Variants in SEC23A observed in about 807,000 individuals in gnomAD.
SEC23A encodes protein transport protein Sec23A.
Under a neutral mutation model 103.7 loss-of-function variants are expected in SEC23A, and 56 were observed. The ratio of observed to expected loss-of-function variants is 0.54; its 90% CI spans 0.44 to 0.67. The LOEUF (loss-of-function observed/expected upper bound fraction) is 0.67, where lower values mean the gene tolerates loss of function less well. SEC23A is among the 30% of genes least tolerant of loss of function. The pLI is 0.00. For missense variants in SEC23A, 784 were observed against 936.4 expected, an observed-to-expected ratio of 0.84 and a Z score of 2.12; for synonymous variants, 281 against 293.0, an observed-to-expected ratio of 0.96 and a Z score of 0.42.
chr14:39,073,154 T>C (rs932314638), intron 9 of SEC23A, among the ~76,000 whole-genome samples: 1 of 152,206 alleles, frequency 6.6e-6, no homozygotes, highest in African/African-American at 2.4e-5. Flanking sequence ...TACTATTAAA[T>C]GCACTTTAGC....
intron 18 of SEC23A, chr14:39,039,421 A>G: frequency 3.7e-6 from 1 of 267,126 alleles, no homozygotes; most frequent in East Asian, 8.7e-5. Flanking sequence ...CAGAAGTTCA[A>G]AATCCCAAAT....
chr14:39,049,804 T>TTC (rs1469011459), intron 14 of SEC23A, among the ~76,000 whole-genome samples: 1 of 151,094 alleles, frequency 6.6e-6, no homozygotes, highest in Non-Finnish European at 1.5e-5. Context: ...CAATTTTTTT[T>TTC]TTTTTGAGAC....
At chr14:39,034,543 C>A (rs1381474269) in intron 19 of SEC23A, among the ~76,000 whole-genome samples, 1 of 152,194 alleles carries the variant, frequency 6.6e-6, no homozygotes, top group East Asian at 1.9e-4. Context: ...AACCTCATGG[C>A]TCTTACTTTT....
At chr14:39,042,753 C>G (rs1269090358) in intron 17 of SEC23A, 33 bp downstream of exon 17, 1 of 1,345,980 alleles carries the variant, frequency 7.4e-7, no homozygotes, top group Non-Finnish European at 1.1e-6. Context: ...AAAGACTTTA[C>G]ATGCATAGCT....
intron 13 of SEC23A, among the ~76,000 whole-genome samples, chr14:39,055,757 T>C (rs1050491524): frequency 3.9e-5 from 6 of 152,218 alleles, no homozygotes; most frequent in African/African-American, 1.2e-4. Context: ...AGGAATGTGC[T>C]CTGGAGACCC....
chr14:39,059,290 A>AC (rs1316256378), intron 13 of SEC23A, among the ~76,000 whole-genome samples: 1 of 59,932 alleles, frequency 1.7e-5, no homozygotes, highest in Non-Finnish European at 4.3e-5. Context: ...AAAAAAAAAA[A>AC]AAAAAAAAAA....
intron 19 of SEC23A, 97 bp from the exon 20 acceptor site, chr14:39,033,425 T>TAGAACAAC (rs11281624): frequency 1.5e-6 from 1 of 654,374 alleles, no homozygotes. Context: ...TCATTTGAAA[T>TAGAACAAC]GCCTATGGTC....
intron 7 of SEC23A, among the ~76,000 whole-genome samples, chr14:39,079,536 T>A (rs774166735): frequency 5.7e-4 from 87 of 152,186 alleles, no homozygotes; most frequent in Non-Finnish European, 1.1e-3. Flanking sequence ...AGTCATATGA[T>A]TAGCCTGGCA....
chr14:39,083,354 CCTGT>C (rs1480283892), intron 7 of SEC23A, among the ~76,000 whole-genome samples: 3 of 151,960 alleles, frequency 2.0e-5, no homozygotes, highest in Admixed American at 2.0e-4. Flanking sequence ...CTCTCACCTA[CCTGT>C]CTCTCACCTA....
intron 18 of SEC23A, 69 bp from the exon 19 acceptor site, chr14:39,039,165 T>C (rs1042133034): frequency 6.4e-6 from 8 of 1,243,532 alleles, no homozygotes; most frequent in Non-Finnish European, 9.4e-6. Flanking sequence ...TGAATAATTA[T>C]ATCATGCAAA....
intron 4 of SEC23A, among the ~76,000 whole-genome samples, chr14:39,092,208 G>C (rs1203112932): frequency 6.6e-6 from 1 of 152,124 alleles, no homozygotes; most frequent in Non-Finnish European, 1.5e-5. Context: ...TCATTAATTA[G>C]ACCTGGGGGA....
In SEC23A at chr14:39,055,440, C is replaced by T. The variant is rs557517625; in HGVS notation, c.1506-144G>A. Reference sequence around the variant, plus strand: ...TTTTTTTTTTTGAGACAGAGTCTCGCTCTGTCACCTAGGCTGCAGTGCAAT... The same window carrying T: ...TTTTTTTTTTTGAGACAGAGTCTCGTTCTGTCACCTAGGCTGCAGTGCAAT... On this transcript the variant is annotated intron_variant, in intron 13 of 19. Transcript: ENST00000307712. 1.1e-4 allele frequency: 88 copies of T among 780,680 alleles called. No individual in the cohort carries two copies. In the African/African-American group the frequency reaches 1.4e-3, roughly 13 times the overall value. The allele number at this position is 780,680 out of a possible 1,614,324, so 48.4% of individuals were successfully genotyped here.
At chr14:39,085,689 TACAC>T (rs59136053) in intron 7 of SEC23A, 69 bp downstream of exon 7, 15,178 of 1,191,282 alleles carry the variant, frequency 0.013, 35 homozygotes, top group South Asian at 0.023. Context: ...TAATTATATA[TACAC>T]ACACACACAC....
At chr14:39,054,231 T>G (rs1455821443) in intron 14 of SEC23A, among the ~76,000 whole-genome samples, 2 of 150,888 alleles carry the variant, frequency 1.3e-5, no homozygotes, top group Non-Finnish European at 2.9e-5. Context: ...GCCATGATCA[T>G]CTCATTGAAC....
intron 7 of SEC23A, among the ~76,000 whole-genome samples, chr14:39,078,436 T>C (rs1234421851): frequency 6.6e-6 from 1 of 152,142 alleles, no homozygotes; most frequent in East Asian, 1.9e-4. Flanking sequence ...AAAAGCTCCA[T>C]ATTTGGAGTC....
chr14:39,048,139 A>T (rs905846060), intron 15 of SEC23A, among the ~76,000 whole-genome samples: 5 of 152,204 alleles, frequency 3.3e-5, no homozygotes, highest in African/African-American at 1.2e-4. Flanking sequence ...TCTATTCACC[A>T]CAAATAAATG....
chr14:39,094,443 T>TATATATA (rs1491476144), intron 2 of SEC23A, among the ~76,000 whole-genome samples: 1 of 10,806 alleles, frequency 9.3e-5, no homozygotes, highest in South Asian at 3.9e-3. Flanking sequence ...TATATATATA[T>TATATATA]TTTTTTTTTT....
intron 13 of SEC23A, among the ~76,000 whole-genome samples, chr14:39,060,103 A>ATGTGTGTGTGTGTGCACACACG (rs1886423685): frequency 1.3e-5 from 2 of 151,016 alleles, no homozygotes; most frequent in African/African-American, 4.9e-5. Context: ...GTGCACACAC[A>ATGTGTGTGTGTGTGCACACACG]TGTGTGTGTG....
rs574056704 is a variant in SEC23A, at chr14:39,035,815, G to A, written c.2209-2487C>T. Among the ~76,000 whole-genome samples the A allele has an allele frequency of 7.2e-5, 11 of 152,260 alleles. No homozygotes were observed. In the South Asian group the frequency reaches 1.9e-3, roughly 26 times the overall value. ...TCAAGTAATTAATAATCTAACAGGAGCAATGCCATAAAAAATGGAGGCGGG... is the reference window on the plus strand; with the variant it reads ...TCAAGTAATTAATAATCTAACAGGAACAATGCCATAAAAAATGGAGGCGGG... On this transcript the variant is annotated intron_variant, in intron 19 of 19. Transcript: ENST00000307712.
Sources: allele counts gnomAD v4.1 joint callset (sites outside exome capture counted in the v4.1 genomes callset), GRCh38; gene constraint gnomAD v4.1.1; transcripts MANE v1.5; gene names NCBI Gene and HGNC (gene_info 2026-07-23, HGNC 2026-07-21).